ABLIM2: variants seen among roughly 807,000 people sequenced by gnomAD.
ABLIM2 encodes the protein actin binding LIM protein family member 2.
ABLIM2 carries 53 observed loss-of-function variants against 97.7 expected under a neutral mutation model. That is an observed-to-expected ratio of 0.54 (90% CI 0.44 to 0.68). The LOEUF is 0.68. ABLIM2 is among the 30% of genes least tolerant of loss of function. The pLI is 0.00. For synonymous variants in ABLIM2, 361 were observed against 345.8 expected (o/e 1.04, Z -0.49); for missense variants, 835 against 867.2 (o/e 0.96, Z 0.47).
chr4:8,074,095 A>C (rs1384072142), intron 6 of ABLIM2, among the ~76,000 whole-genome samples: 1 of 83,342 alleles, frequency 1.2e-5, no homozygotes. Context: ...CTCACAAAAA[A>C]AAAAAAAAAA....
intron 20 of ABLIM2, among the ~76,000 whole-genome samples, chr4:7,979,167 T>A (rs1269694917): frequency 6.6e-6 from 1 of 152,238 alleles, no homozygotes; most frequent in Non-Finnish European, 1.5e-5. Flanking sequence ...CCTTTCCTCT[T>A]CTGTGGGGTT....
chr4:8,029,977 C>T (rs187758352), intron 10 of ABLIM2, among the ~76,000 whole-genome samples: 21 of 152,312 alleles, frequency 1.4e-4, no homozygotes, highest in East Asian at 9.7e-4. Flanking sequence ...ACACACTCCC[C>T]GCTGTGCCTG....
chr4:8,029,561 G>T, intron 11 of ABLIM2, 95 bp downstream of exon 11: 1 of 1,269,680 alleles, frequency 7.9e-7, no homozygotes. Context: ...TAAGAAAAAT[G>T]CCACTTATAA....
intron 5 of ABLIM2, among the ~76,000 whole-genome samples, chr4:8,079,486 G>A (rs1348411185): frequency 6.6e-6 from 1 of 152,186 alleles, no homozygotes; most frequent in East Asian, 1.9e-4. Flanking sequence ...CACAGGCGGG[G>A]AAACTCATGC....
At chr4:8,143,044 T>C (rs777167898) in intron 1 of ABLIM2, among the ~76,000 whole-genome samples, 3 of 151,258 alleles carry the variant, frequency 2.0e-5, no homozygotes, top group Admixed American at 1.3e-4. Flanking sequence ...GCCCCAGTCC[T>C]CCCTTGACCC....
Position 8,044,625 on chromosome 4 carries a change from G to T in ABLIM2, c.900+539C>A, listed in dbSNP as rs535744928. On this transcript the variant is annotated intron_variant, in intron 9 of 20. Coordinates refer to ENST00000447017, the MANE Select transcript of ABLIM2 (RefSeq NM_001130083.2). This position sits in a 1 kb window ranked among gnomAD's most constrained non-coding sequence, Gnocchi z 4.4. ...TTTATATTTGTATGTGATTATGGAAGCGTGTGAGGCGCACAGACACACACA... is the reference window on the plus strand; with the variant it reads ...TTTATATTTGTATGTGATTATGGAATCGTGTGAGGCGCACAGACACACACA... 6.7e-6 allele frequency among the ~76,000 whole-genome samples: 1 copy of T among 149,598 alleles called. No homozygotes were observed. The highest frequency in any genetic ancestry group is 2.5e-5 in the African/African-American group (1 of 40,310).
intron 12 of ABLIM2, among the ~76,000 whole-genome samples, chr4:8,025,069 A>G (rs12502318): frequency 1.3e-5 from 2 of 152,114 alleles, no homozygotes; most frequent in Admixed American, 6.5e-5. Flanking sequence ...AGCTGGGACC[A>G]CAGGTGCGCC....
At chr4:8,063,692 C>T (rs1804987976) in intron 6 of ABLIM2, among the ~76,000 whole-genome samples, 1 of 152,262 alleles carries the variant, frequency 6.6e-6, no homozygotes, top group African/African-American at 2.4e-5. Context: ...GATCTCAGGT[C>T]TGGGGTGTGC....
chr4:8,080,357 C>T (rs530330857), intron 5 of ABLIM2, among the ~76,000 whole-genome samples: 4 of 152,252 alleles, frequency 2.6e-5, no homozygotes, highest in Non-Finnish European at 5.9e-5. Flanking sequence ...AGGGGGACTG[C>T]GACGGGGAGG....
intron 16 of ABLIM2, chr4:8,007,268 G>T: frequency 1.0e-6 from 1 of 985,300 alleles, no homozygotes; most frequent in Non-Finnish European, 1.2e-6. Flanking sequence ...CCCATCACAC[G>T]ACGGGTCAGT....
intron 16 of ABLIM2, among the ~76,000 whole-genome samples, chr4:8,006,637 A>G (rs1223324372): frequency 6.6e-6 from 1 of 152,216 alleles, no homozygotes; most frequent in Non-Finnish European, 1.5e-5. Context: ...ATGGGCCATG[A>G]GCCAGGCCAA....
rs1223206333 is a variant in ABLIM2, at chr4:8,046,843, C to A, written c.823-1602G>T. ...GAGCAGGGATCAGGACACAGACACACACAGGGAGTCCATGTGGAGGCACAG... is the reference window on the plus strand; with the variant it reads ...GAGCAGGGATCAGGACACAGACACAAACAGGGAGTCCATGTGGAGGCACAG... On this transcript the variant is annotated intron_variant, in intron 8 of 20. Transcript: ENST00000447017. This position sits in a 1 kb window ranked among gnomAD's most constrained non-coding sequence, Gnocchi z 4.4. 6.6e-6 allele frequency among the ~76,000 whole-genome samples: 1 copy of A among 152,174 alleles called. No individual in the cohort carries two copies. The highest frequency in any genetic ancestry group is 2.4e-5 in the African/African-American group (1 of 41,422).
chr4:8,053,288 T>C (rs1797147937), intron 8 of ABLIM2, among the ~76,000 whole-genome samples: 1 of 152,206 alleles, frequency 6.6e-6, no homozygotes, highest in African/African-American at 2.4e-5. Context: ...CTGCCTTTGC[T>C]TCAAGTTTTC....
intron 1 of ABLIM2, among the ~76,000 whole-genome samples, chr4:8,109,561 G>A (rs975637437): frequency 1.4e-4 from 21 of 152,234 alleles, no homozygotes; most frequent in African/African-American, 4.6e-4. Flanking sequence ...GGAAGCCACC[G>A]ATCTGGCCAC....
At chr4:8,056,998 C>T (rs1314873673) in intron 7 of ABLIM2, among the ~76,000 whole-genome samples, 1 of 123,896 alleles carries the variant, frequency 8.1e-6, no homozygotes, top group Non-Finnish European at 1.7e-5. Flanking sequence ...AATATCAAAA[C>T]ATGCAACTTT....
chr4:8,054,364 C>T lies in ABLIM2; in HGVS notation c.764-118G>A, dbSNP rs901365390. 38 of 1,076,518 alleles carry T rather than the reference C, an allele frequency of 3.5e-5. No homozygotes were observed. In the East Asian group the frequency reaches 9.5e-4, roughly 27 times the overall value. 66.7% of individuals were successfully genotyped at this position (1,076,518 alleles called of 1,614,324 possible). ...CACAGACGTGCACTCGGACTCCACC[C>T]TCCAAGCGGCCCTGAGCATCCTCTC... On this transcript the variant is annotated intron_variant, in intron 7 of 20. Transcript: ENST00000447017. The surrounding 1 kb of genome is among the most constrained non-coding windows in gnomAD (Gnocchi z 4.9).
In ABLIM2 at chr4:8,130,448, A is replaced by C. The variant is rs984865618; in HGVS notation, c.11-23811T>G. 6.6e-6 allele frequency among the ~76,000 whole-genome samples: 1 copy of C among 152,148 alleles called. No individual in the cohort carries two copies. Among genetic ancestry groups the C allele is most frequent in the Admixed American group, 6.5e-5 (1 of 15,286 alleles). On this transcript the variant is annotated intron_variant, in intron 1 of 20. Transcript: ENST00000447017. This position sits in a 1 kb window ranked among gnomAD's most constrained non-coding sequence, Gnocchi z 4.2. ...GACCAACAACTGCAGGGGCTATGGC[A>C]GGGAGAGTGGACGCCGGCGCCGGGC...
chr4:8,104,676 C>G (rs562742299), intron 2 of ABLIM2, among the ~76,000 whole-genome samples: 100 of 152,178 alleles, frequency 6.6e-4, no homozygotes, highest in Non-Finnish European at 1.1e-3. Context: ...CAGTGGAGAG[C>G]TGGCTGAGCT....
At chr4:8,062,516 T>G (rs1803961722) in intron 6 of ABLIM2, among the ~76,000 whole-genome samples, 1 of 151,796 alleles carries the variant, frequency 6.6e-6, no homozygotes, top group Admixed American at 6.6e-5. Flanking sequence ...CTTGGATCAC[T>G]GCAAGCTCTG....
Sources: allele counts gnomAD v4.1 joint callset (sites outside exome capture counted in the v4.1 genomes callset), GRCh38; gene constraint gnomAD v4.1.1; non-coding constraint Gnocchi (gnomAD v3.1); transcripts MANE v1.5; gene names NCBI Gene and HGNC (gene_info 2026-07-23, HGNC 2026-07-21).